Variants in SIPA1L1 observed in about 807,000 individuals in gnomAD.
The protein encoded by SIPA1L1 is signal-induced proliferation-associated 1-like protein 1.
In SIPA1L1, 26 loss-of-function variants were observed where a neutral mutation model predicts 162.7. The ratio of observed to expected loss-of-function variants is 0.16; its 90% CI spans 0.12 to 0.22. The LOEUF is 0.22. SIPA1L1 is among the 10% of genes least tolerant of loss of function. The pLI, the probability that SIPA1L1 is intolerant of heterozygous loss-of-function variation, is 1.00. For missense variants in SIPA1L1, 1,874 were observed against 2,241.0 expected (o/e 0.84, Z 3.31); for synonymous variants, 829 against 837.4 (o/e 0.99, Z 0.17).
chr14:71,562,631 T>C (rs2056887422), intron 4 of SIPA1L1, among the ~76,000 whole-genome samples: 1 of 152,194 alleles, frequency 6.6e-6, no homozygotes, highest in South Asian at 2.1e-4. Context: ...AACCTGCTGG[T>C]TTTTATTTCA....
intron 7 of SIPA1L1, among the ~76,000 whole-genome samples, chr14:71,647,323 C>CTGCT (rs2042254423): frequency 6.6e-6 from 1 of 151,928 alleles, no homozygotes; most frequent in South Asian, 2.1e-4. Context: ...GCACATTGTC[C>CTGCT]TGTCCTTGAA....
rs370713038 is a variant in SIPA1L1, at chr14:71,685,612, G to A, written c.3355G>A (p.Gly1119Arg). Residue 1119 changes from glycine to arginine, a missense_variant, in exon 13 of 24, where the codon GGG (glycine) becomes AGG (arginine). By Grantham distance (125) the Gly-to-Arg change is moderately radical (BLOSUM62 -2). Around this residue, in one of 5 missense-constraint regions of SIPA1L1, gnomAD observed 936 missense variants for 1,051.9 expected, o/e 0.89. Coordinates refer to ENST00000381232, the MANE Select transcript of SIPA1L1 (RefSeq NM_001386936.1). ...ANIPRSISSD[G>R]RPLERRLSPG... ...CATCCCTCGAAGCATCTCCAGTGAC[G>A]GGCGCCCACTAGAGAGGCGGTAAGT... The A allele has an allele frequency of 4.3e-6, 7 of 1,613,980 alleles. No homozygotes were observed. The highest frequency in any genetic ancestry group is 3.3e-5 in the Admixed American group (2 of 59,990).
intron 2 of SIPA1L1, among the ~76,000 whole-genome samples, chr14:71,385,176 C>T (rs1401708189): frequency 6.6e-6 from 1 of 152,184 alleles, no homozygotes; most frequent in Non-Finnish European, 1.5e-5. Context: ...CTCAGAAGTT[C>T]TGATTAAAAT....
At chr14:71,733,163 A>T (rs948627389) in intron 20 of SIPA1L1, among the ~76,000 whole-genome samples, 1 of 152,204 alleles carries the variant, frequency 6.6e-6, no homozygotes, top group Non-Finnish European at 1.5e-5. Flanking sequence ...ATGAGCCGAG[A>T]TCATGCCACT....
intron 5 of SIPA1L1, 30 bp from the exon 6 acceptor site, chr14:71,618,727 C>G: frequency 6.2e-7 from 1 of 1,601,998 alleles, no homozygotes; most frequent in African/African-American, 1.3e-5. Context: ...GGTAGATTTT[C>G]TAACTTTGTT....
chr14:71,344,135 TG>T (rs1566910901), intron 2 of SIPA1L1, among the ~76,000 whole-genome samples: 1 of 152,224 alleles, frequency 6.6e-6, no homozygotes, highest in Non-Finnish European at 1.5e-5. Context: ...AGCAAACATT[TG>T]AAGGAAGTAT....
At chr14:71,446,894 GTTTTTTTTTTT>G (rs2045402735) in intron 2 of SIPA1L1, among the ~76,000 whole-genome samples, 1 of 87,404 alleles carries the variant, frequency 1.1e-5, no homozygotes, top group African/African-American at 4.4e-5. Flanking sequence ...GATGGGCTCT[GTTTTTTTTTTT>G]GTTTTTTTTT....
intron 22 of SIPA1L1, among the ~76,000 whole-genome samples, chr14:71,735,850 A>G (rs2085238831): frequency 6.6e-6 from 1 of 152,228 alleles, no homozygotes; most frequent in African/African-American, 2.4e-5. Context: ...AGGATGGTTA[A>G]GATGGTATGA....
At chr14:71,475,626 A>G (rs2047785369) in intron 2 of SIPA1L1, among the ~76,000 whole-genome samples, 1 of 152,182 alleles carries the variant, frequency 6.6e-6, no homozygotes, top group Non-Finnish European at 1.5e-5. Context: ...GAAAGAAAAA[A>G]ATTATCCGTA....
intron 3 of SIPA1L1, among the ~76,000 whole-genome samples, chr14:71,523,337 C>G (rs1595892639): frequency 6.6e-6 from 1 of 151,456 alleles, no homozygotes; most frequent in African/African-American, 2.4e-5. Context: ...AATCCCTTGT[C>G]TATCCATATT....
At position 71,409,811 on chromosome 14, in the gene SIPA1L1, A is replaced by G. The variant is rs182896426; in HGVS notation, c.-465+88630A>G. Reference sequence around the variant, plus strand: ...GTGTTATCTGTAGTGTTCTTGCAACATTTTTGTAGGTTGGTCTGAAGTTAT... The same window carrying G: ...GTGTTATCTGTAGTGTTCTTGCAACGTTTTTGTAGGTTGGTCTGAAGTTAT... On this transcript the variant is annotated intron_variant, in intron 2 of 23. Transcript: ENST00000381232. Among the ~76,000 whole-genome samples the G allele has an allele frequency of 2.1e-3, 314 of 152,332 alleles. 2 individuals are homozygous for G. The highest frequency in any genetic ancestry group is 7.0e-3 in the African/African-American group (289 of 41,560).
At chr14:71,682,047 T>TA (rs1454595334) in intron 12 of SIPA1L1, among the ~76,000 whole-genome samples, 1 of 152,224 alleles carries the variant, frequency 6.6e-6, no homozygotes, top group Non-Finnish European at 1.5e-5. Flanking sequence ...AAGACTAACT[T>TA]ACACAGTCTT....
chr14:71,567,877 G>T (rs879723662), intron 4 of SIPA1L1, among the ~76,000 whole-genome samples: 1 of 152,242 alleles, frequency 6.6e-6, no homozygotes, highest in African/African-American at 2.4e-5. Flanking sequence ...AGAACTGAGG[G>T]TTCCTCCCCT....
chr14:71,614,630 T>A (rs1334990630), intron 5 of SIPA1L1, among the ~76,000 whole-genome samples: 1 of 152,174 alleles, frequency 6.6e-6, no homozygotes, highest in East Asian at 1.9e-4. Context: ...TTCAAAAATA[T>A]CTTCCTAGCG....
intron 4 of SIPA1L1, among the ~76,000 whole-genome samples, chr14:71,581,963 G>T (rs1022828421): frequency 6.6e-6 from 1 of 152,080 alleles, no homozygotes; most frequent in Admixed American, 6.6e-5. Context: ...CATGAGATTA[G>T]TCATATTTAA....
chr14:71,372,495 C>T (rs1419291665), intron 2 of SIPA1L1, among the ~76,000 whole-genome samples: 1 of 152,084 alleles, frequency 6.6e-6, no homozygotes, highest in South Asian at 2.1e-4. Context: ...TGTCTGTGTT[C>T]TACATTTACG....
At chr14:71,536,678 T>TC (rs2053932576) in intron 4 of SIPA1L1, among the ~76,000 whole-genome samples, 1 of 152,244 alleles carries the variant, frequency 6.6e-6, no homozygotes, top group Admixed American at 6.5e-5. Context: ...ATCTTTTGGT[T>TC]ATACAACAGT....
chr14:71,701,261 A>G (rs1239394562), intron 14 of SIPA1L1, among the ~76,000 whole-genome samples: 1 of 151,946 alleles, frequency 6.6e-6, no homozygotes, highest in African/African-American at 2.4e-5. Context: ...TTACCCATAC[A>G]TGTATCAGCC....
chr14:71,611,442 C>T (rs911746083), intron 5 of SIPA1L1, among the ~76,000 whole-genome samples: 3 of 146,822 alleles, frequency 2.0e-5, no homozygotes, highest in South Asian at 4.2e-4. Context: ...ATGTGCAGGA[C>T]GTGCAGGTTT....
Sources: allele counts gnomAD v4.1 joint callset (sites outside exome capture counted in the v4.1 genomes callset), GRCh38; gene constraint gnomAD v4.1.1; regional missense constraint gnomAD v4.1.1; transcripts MANE v1.5; gene names NCBI Gene and HGNC (gene_info 2026-07-23, HGNC 2026-07-21).